The following PRKX variants were observed in gnomAD, a reference collection of about 807,000 sequenced individuals.
PRKX encodes cAMP-dependent protein kinase catalytic subunit PRKX.
In PRKX, 12 loss-of-function variants were observed where a neutral mutation model predicts 22.0. That is an observed-to-expected ratio of 0.54 (90% CI 0.35 to 0.88). The LOEUF (loss-of-function observed/expected upper bound fraction) is 0.88, where lower values mean the gene tolerates loss of function less well. Among genes scored for constraint, PRKX ranks in the 40% least tolerant of loss-of-function variants. PRKX has a pLI of 0.01. For missense variants in PRKX, 217 were observed against 308.0 expected, an observed-to-expected ratio of 0.70 and a Z score of 2.21; for synonymous variants, 134 against 137.7, an observed-to-expected ratio of 0.97 and a Z score of 0.19.
At chrX:3,667,350 C>G (rs1162787745) in intron 2 of PRKX, 1 of 111,383 alleles carries the variant, frequency 9.0e-6, no homozygotes, top group Non-Finnish European at 1.9e-5. Context: ...CAGAGCCCGC[C>G]ATAAAGCTGG....
intron 1 of PRKX, among the ~76,000 whole-genome samples, chrX:3,685,692 C>T (rs1337662176): frequency 9.1e-6 from 1 of 109,431 alleles, no homozygotes; most frequent in African/African-American, 3.3e-5. Context: ...GTATGTACAC[C>T]GGAATAACAC....
intron 2 of PRKX, among the ~76,000 whole-genome samples, chrX:3,669,364 A>G (rs1246726543): frequency 9.8e-6 from 1 of 102,453 alleles, no homozygotes; most frequent in Non-Finnish European, 2.0e-5. Context: ...CCATCCATCC[A>G]TCAACTATCT....
intron 5 of PRKX, among the ~76,000 whole-genome samples, chrX:3,624,147 A>G (rs1363565408): frequency 2.7e-5 from 3 of 111,675 alleles, no homozygotes; most frequent in Non-Finnish European, 5.6e-5. Context: ...GGATCAGTTG[A>G]GCCCAGGAGT....
rs77861019 is a variant in PRKX, at chrX:3,615,011, A to G, written c.951+804T>C. On this transcript the variant is annotated intron_variant, in intron 7 of 8. Coordinates refer to ENST00000262848, the MANE Select transcript of PRKX (RefSeq NM_005044.5). ...TATTATACATTGAAAAAAATGCCAG[A>G]TTTTTTTTTTTTTTTTTTTTTTTTT... 6.7e-5 allele frequency among the ~76,000 whole-genome samples: 4 copies of G among 59,752 alleles called. No homozygotes were observed. The Admixed American group carries it at 7.1e-4, about 11-fold the overall frequency. The allele number at this position is 59,752 out of a possible 115,157, so 51.9% of individuals were successfully genotyped here. A position where few individuals can be genotyped will look rare whatever the true frequency, so the allele number is the denominator to read the frequency against.
At chrX:3,628,400 T>C (rs1272734222) in intron 4 of PRKX, among the ~76,000 whole-genome samples, 1 of 111,700 alleles carries the variant, frequency 9.0e-6, no homozygotes, top group Non-Finnish European at 1.9e-5. Context: ...GGATATTGAA[T>C]GTTCCTAACA....
intron 5 of PRKX, among the ~76,000 whole-genome samples, chrX:3,623,908 T>C (rs757340698): frequency 8.9e-6 from 1 of 112,177 alleles, no homozygotes; most frequent in Non-Finnish European, 1.9e-5. Flanking sequence ...ATGATATTTA[T>C]TTCTATAAGG....
intron 1 of PRKX, among the ~76,000 whole-genome samples, chrX:3,694,255 T>C (rs943625258): frequency 3.8e-5 from 4 of 105,298 alleles, no homozygotes; most frequent in Non-Finnish European, 7.8e-5. Flanking sequence ...AGGCGTGGTG[T>C]CGGGTGCCTA....
Position 3,641,993 on chromosome X carries a change from G to A in PRKX, c.600-22C>T. The A allele has an allele frequency of 6.9e-6, 5 of 722,870 alleles. 1 individual carries two copies. Among genetic ancestry groups the A allele is most frequent in the Non-Finnish European group, 8.1e-6 (4 of 492,187 alleles). The allele number at this position is 722,870 out of a possible 1,213,427, so 59.6% of individuals were successfully genotyped here. A position where few individuals can be genotyped will look rare whatever the true frequency, so the allele number is the denominator to read the frequency against. ...AGTCCTATATGGGCGACAGAGACAG[G>A]CCCCCACAACACTCAGTGGTGCTTG... On this transcript the variant is annotated intron_variant, in intron 3 of 8. Transcript: ENST00000262848.
intron 1 of PRKX, among the ~76,000 whole-genome samples, chrX:3,709,699 G>C (rs1928749638): frequency 9.0e-6 from 1 of 110,641 alleles, no homozygotes; most frequent in Non-Finnish European, 1.9e-5. Flanking sequence ...TTTTAAGTAG[G>C]AAATTGGTAA....
chrX:3,683,482 C>T (rs6641844), intron 1 of PRKX, among the ~76,000 whole-genome samples: 14,227 of 109,367 alleles, frequency 0.13, 922 homozygotes, highest in East Asian at 0.36. Flanking sequence ...AACGCAGAGC[C>T]GCCCCAAACA....
intron 4 of PRKX, among the ~76,000 whole-genome samples, chrX:3,631,079 G>A (rs1926770561): frequency 8.9e-6 from 1 of 111,900 alleles, no homozygotes; most frequent in Admixed American, 9.5e-5. Flanking sequence ...CTTATAAAAC[G>A]GAGCTTTCAA....
At chrX:3,659,727 T>TG (rs1257964419) in intron 2 of PRKX, among the ~76,000 whole-genome samples, 2 of 71,778 alleles carry the variant, frequency 2.8e-5, no homozygotes, top group African/African-American at 1.3e-4. Flanking sequence ...GTTTTTTTTT[T>TG]TGTTTTTTTT....
chrX:3,713,053 C>T, intron 1 of PRKX, 35 bp downstream of exon 1: 1 of 1,141,211 alleles, frequency 8.8e-7, no homozygotes, highest in Non-Finnish European at 1.2e-6. Context: ...CGCCGCGCGC[C>T]CCTGTGGGCC....
chrX:3,671,506 T>C (rs1197428727), intron 2 of PRKX, among the ~76,000 whole-genome samples: 1 of 111,720 alleles, frequency 9.0e-6, no homozygotes, highest in African/African-American at 3.3e-5. Flanking sequence ...AGACTTTAAA[T>C]GATGAGGAAA....
intron 1 of PRKX, among the ~76,000 whole-genome samples, chrX:3,712,763 G>A (rs893383335): frequency 1.9e-4 from 22 of 112,831 alleles, no homozygotes; most frequent in African/African-American, 6.8e-4. Flanking sequence ...GAGGTGACCC[G>A]CAGGAGGTTT....
At chrX:3,617,046 A>G (rs1424628839) in intron 6 of PRKX, among the ~76,000 whole-genome samples, 3 of 111,181 alleles carry the variant, frequency 2.7e-5, no homozygotes, top group African/African-American at 9.8e-5. Context: ...ACACATACAC[A>G]CATTAATATA....
chrX:3,607,971 C>T lies in PRKX; in HGVS notation c.*998G>A, dbSNP rs1219988448. ...TCTCGGATCACTGCGGCCTGGACCT[C>T]CCCAGGCTCAAGTGATCCTCTCATC... is the stretch of plus-strand genomic sequence containing the variant. On this transcript the variant is annotated 3_prime_UTR_variant, in exon 9 of 9. Coordinates refer to ENST00000262848, the MANE Select transcript of PRKX (RefSeq NM_005044.5). The T allele has an allele frequency of 1.9e-5, 2 of 103,432 alleles. No individual in the cohort carries two copies. The highest frequency in any genetic ancestry group is 2.0e-5 in the Non-Finnish European group (1 of 50,674). 8.5% of individuals were successfully genotyped at this position (103,432 alleles called of 1,213,427 possible). A position where few individuals can be genotyped will look rare whatever the true frequency, so the allele number is the denominator to read the frequency against.
At chrX:3,630,545 G>A (rs776917659) in intron 4 of PRKX, among the ~76,000 whole-genome samples, 1 of 111,853 alleles carries the variant, frequency 8.9e-6, no homozygotes, top group African/African-American at 3.2e-5. Flanking sequence ...GGGCGACAGA[G>A]CAAGACTCTG....
chrX:3,623,249 G>C (rs868364308), intron 5 of PRKX, among the ~76,000 whole-genome samples: 10 of 108,556 alleles, frequency 9.2e-5, no homozygotes, highest in African/African-American at 3.4e-4. Flanking sequence ...TTGGTGTTTG[G>C]CATGTAAGAA....
Sources: allele counts gnomAD v4.1 joint callset (sites outside exome capture counted in the v4.1 genomes callset), GRCh38; gene constraint gnomAD v4.1.1; transcripts MANE v1.5; gene names NCBI Gene and HGNC (gene_info 2026-07-23, HGNC 2026-07-21).